Variants in ZNF559 observed in about 807,000 individuals in gnomAD.
The protein encoded by ZNF559 is zinc finger protein 559.
ZNF559 carries 17 observed loss-of-function variants against 14.2 expected under a neutral mutation model. That is an observed-to-expected ratio of 1.20 (90% CI 0.82 to 1.80). The LOEUF (loss-of-function observed/expected upper bound fraction) is 1.80. ZNF559 is among the 40% of genes most tolerant of loss of function. The probability of loss-of-function intolerance (pLI) is 0.00; values close to 1 mark genes in which losing one functional copy is unlikely to be tolerated. For missense variants in ZNF559, 740 were observed against 629.7 expected, an observed-to-expected ratio of 1.18 and a Z score of -1.88; for synonymous variants, 244 against 212.4, an observed-to-expected ratio of 1.15 and a Z score of -1.29.
At chr19:9,326,226 C>T (rs1416705412) in intron 2 of ZNF559, among the ~76,000 whole-genome samples, 1 of 147,852 alleles carries the variant, frequency 6.8e-6, no homozygotes, top group Admixed American at 7.0e-5. Flanking sequence ...TCTCCTGACT[C>T]AGCCTCCCAA....
At chr19:9,333,361 T>C (rs530203860) in intron 2 of ZNF559, among the ~76,000 whole-genome samples, 1 of 152,344 alleles carries the variant, frequency 6.6e-6, no homozygotes, top group Non-Finnish European at 1.5e-5. Context: ...AATTTAACTA[T>C]ATCCTGCCAA....
Position 9,338,488 on chromosome 19 carries a change from C to G in ZNF559, c.-56-6C>G, listed in dbSNP as rs373048715. 58 of 1,610,206 alleles carry G rather than the reference C, an allele frequency of 3.6e-5. No individual in the cohort carries two copies. The highest frequency in any genetic ancestry group is 4.8e-5 in the Non-Finnish European group (56 of 1,177,078). On this transcript the variant is annotated splice_region_variant and splice_polypyrimidine_tract_variant and intron_variant, in intron 3 of 6. Coordinates refer to ENST00000603380, the MANE Select transcript of ZNF559 (RefSeq NM_032497.3). ...GGATTCTCAGATTTTATTTCTTCTTCTTAAGATCATCTTTCTCAAGATGTT... is the reference window on the plus strand; with the variant it reads ...GGATTCTCAGATTTTATTTCTTCTTGTTAAGATCATCTTTCTCAAGATGTT...
upstream of ZNF559, chr19:9,324,170 C>G (rs765117899): frequency 3.9e-6 from 6 of 1,536,028 alleles, no homozygotes; most frequent in Admixed American, 2.0e-5. Context: ...GGCGTGTCTG[C>G]GTGGGCGCAT....
chr19:9,324,107 CCCG>C, upstream of ZNF559: 1 of 1,510,610 alleles, frequency 6.6e-7, no homozygotes, highest in Non-Finnish European at 8.9e-7. Flanking sequence ...AGCTGATGGG[CCCG>C]GGAACCCGAG....
intron 2 of ZNF559, among the ~76,000 whole-genome samples, chr19:9,331,555 G>A (rs771452926): frequency 6.6e-6 from 1 of 152,136 alleles, no homozygotes; most frequent in African/African-American, 2.4e-5. Flanking sequence ...GAGACAAAGG[G>A]CATTATATAA....
rs746733619 is a variant in ZNF559, at chr19:9,341,774, C to T, written c.323C>T (p.Thr108Ile). ...KALSEHSCLK[T>I]HRRTYFRKKT... is the part of the protein sequence containing the mutation. ...TTGAGTGAACACTCATGCCTTAAGA[C>T]TCACAGGAGAACTTACTTTAGAAAG... is the stretch of plus-strand genomic sequence containing the variant. The change falls in exon 7 of 7, where the codon ACT (threonine) becomes ATT (isoleucine). Residue 108 changes from threonine (T) to isoleucine (I), a missense_variant. By Grantham distance (89) the Thr-to-Ile change is moderately conservative. Transcript: ENST00000603380. The T allele has an allele frequency of 2.6e-5, 42 of 1,605,456 alleles. No homozygotes were observed. Among genetic ancestry groups the T allele is most frequent in the Non-Finnish European group, 3.2e-5 (38 of 1,177,730 alleles).
chr19:9,324,694 G>A lies in ZNF559; in HGVS notation c.-205-1G>A. 3 of 1,532,918 alleles carry A rather than the reference G, an allele frequency of 2.0e-6. No homozygotes were observed. The highest frequency in any genetic ancestry group is 2.4e-5 in the South Asian group (2 of 83,954). 95.0% of individuals were successfully genotyped at this position (1,532,918 alleles called of 1,614,324 possible). A position where few individuals can be genotyped will look rare whatever the true frequency, so the allele number is the denominator to read the frequency against. On this transcript the variant is annotated splice_acceptor_variant, in intron 1 of 6. Transcript: ENST00000603380. LOFTEE classifies it low-confidence loss of function (5UTR_SPLICE). ...CCAGCGTTGTGCCTTTTCTCTATAA[G>A]GAACAGCATCTCTGCCTTCCTGTTC...
Position 9,342,641 on chromosome 19 carries a change from A to T in ZNF559, c.1190A>T (p.Lys397Ile). 1 of 1,613,896 alleles carries T rather than the reference A, an allele frequency of 6.2e-7. No homozygotes were observed. The highest frequency in any genetic ancestry group is 8.5e-7 in the Non-Finnish European group (1 of 1,179,994). ...GKAFINSSSF[K>I]SHMQTHPGVK... ...GCCTTTATTAATTCCTCTTCCTTTA[A>T]AAGTCACATGCAGACTCATCCTGGT... is the stretch of plus-strand genomic sequence containing the variant. Residue 397 changes from lysine (K) to isoleucine (I), a missense_variant, in exon 7 of 7, where the codon AAA becomes ATA. Transcript: ENST00000603380.
At chr19:9,335,723 C>G (rs561863383) in intron 2 of ZNF559, among the ~76,000 whole-genome samples, 1 of 152,020 alleles carries the variant, frequency 6.6e-6, no homozygotes, top group Non-Finnish European at 1.5e-5. Flanking sequence ...TTTGTAGAGA[C>G]GGGGTTTTAC....
intron 1 of ZNF559, 122 bp downstream of exon 1, chr19:9,324,350 G>C: frequency 6.6e-7 from 1 of 1,516,630 alleles, no homozygotes; most frequent in Non-Finnish European, 8.8e-7. Flanking sequence ...CGGGCATTTC[G>C]AGCATCTTGT....
chr19:9,341,355 A>G (rs1287702044), intron 6 of ZNF559, 171 bp downstream of exon 6: 1 of 768,008 alleles, frequency 1.3e-6, no homozygotes, highest in Non-Finnish European at 2.3e-6. Context: ...CAAACACTCT[A>G]AACATCCCTC....
At chr19:9,332,122 T>C (rs1761046704) in intron 2 of ZNF559, among the ~76,000 whole-genome samples, 2 of 152,168 alleles carry the variant, frequency 1.3e-5, no homozygotes, top group African/African-American at 4.8e-5. Flanking sequence ...AGATGCCCTT[T>C]ATTAGGCTGA....
intron 1 of ZNF559, 103 bp from the exon 2 acceptor site, chr19:9,324,592 A>G: frequency 8.5e-7 from 1 of 1,183,294 alleles, no homozygotes; most frequent in Non-Finnish European, 1.2e-6. Context: ...CCAGGAGTTC[A>G]AGACCAGGCA....
At chr19:9,334,460 TCATAAA>T (rs1489878624) in intron 2 of ZNF559, among the ~76,000 whole-genome samples, 3 of 152,294 alleles carry the variant, frequency 2.0e-5, no homozygotes, top group African/African-American at 7.2e-5. Context: ...TATGGATGAC[TCATAAA>T]CATAATGTTG....
chr19:9,325,162 G>C (rs1264279711), intron 2 of ZNF559, among the ~76,000 whole-genome samples: 2 of 152,170 alleles, frequency 1.3e-5, no homozygotes, highest in Admixed American at 6.5e-5. Flanking sequence ...GTCTTACTGA[G>C]GGCGGGGCAA....
In ZNF559 at chr19:9,343,123, C is replaced by A. The variant is rs756032377; in HGVS notation, c.*55C>A. On this transcript the variant is annotated 3_prime_UTR_variant, in exon 7 of 7. Transcript: ENST00000603380. Reference sequence around the variant, plus strand: ...TAAAGCCACTACTTCCTCACACTTACTGAACATGTACTCATTCATAGTGGC... The same window carrying A: ...TAAAGCCACTACTTCCTCACACTTAATGAACATGTACTCATTCATAGTGGC... 1.3e-4 allele frequency: 205 copies of A among 1,561,296 alleles called. No individual in the cohort carries two copies. The highest frequency in any genetic ancestry group is 1.6e-4 in the Non-Finnish European group (190 of 1,159,532).
At position 9,324,205 on chromosome 19, in the gene ZNF559, A is replaced by C. The variant is rs114011915; in HGVS notation, c.-229A>C. 6.5e-7 allele frequency: 1 copy of C among 1,535,470 alleles called. No homozygotes were observed. Among genetic ancestry groups the C allele is most frequent in the Non-Finnish European group, 8.7e-7 (1 of 1,146,784 alleles). Reference sequence around the variant, plus strand: ...TGCGCATAACGGCCGCCATCTTAACAGCGCGTTCCCGTTGGCGTCTGAGGT... The same window carrying C: ...TGCGCATAACGGCCGCCATCTTAACCGCGCGTTCCCGTTGGCGTCTGAGGT... On this transcript the variant is annotated 5_prime_UTR_variant, in exon 1 of 7. Coordinates refer to ENST00000603380, the MANE Select transcript of ZNF559 (RefSeq NM_032497.3).
At position 9,342,562 on chromosome 19, in the gene ZNF559, C is replaced by CAT; in HGVS notation, c.1114_1115dup (p.Met372IlefsTer2). On this transcript the variant is annotated frameshift_variant, in exon 7 of 7. Transcript: ENST00000603380. LOFTEE classifies it low-confidence loss of function (END_TRUNC). The stretch of plus-strand genomic sequence containing the variant: ...TGCTAACTCTTCACATCTTACTGTA[C>CAT]ATATGAGAACTCACACTGGTGAGAA... 1 of 1,614,032 alleles carries CAT rather than the reference C, an allele frequency of 6.2e-7. No homozygotes were observed. Among genetic ancestry groups the CAT allele is most frequent in the Non-Finnish European group, 8.5e-7 (1 of 1,179,982 alleles).
intron 1 of ZNF559, 92 bp from the exon 2 acceptor site, chr19:9,324,603 G>A: frequency 8.6e-7 from 1 of 1,163,642 alleles, no homozygotes; most frequent in Non-Finnish European, 1.2e-6. Context: ...AGACCAGGCA[G>A]GGCAACATAG....
Sources: gnomAD v4.1 joint callset for allele counts (sites outside exome capture counted in the v4.1 genomes callset) on GRCh38, gnomAD v4.1.1 for gene constraint, MANE v1.5 for transcripts, NCBI Gene and HGNC (gene_info 2026-07-23, HGNC 2026-07-21) for gene names.